The following KDM3A variants were observed in gnomAD, a reference collection of about 807,000 sequenced individuals.
KDM3A encodes the protein lysine demethylase 3A.
KDM3A carries 60 observed loss-of-function variants against 158.0 expected under a neutral mutation model. The observed-to-expected ratio is 0.38, with a 90% CI of 0.31 to 0.47. The LOEUF (loss-of-function observed/expected upper bound fraction) is 0.47, where lower values mean the gene tolerates loss of function less well. Ranked by LOEUF, KDM3A falls within the 20% of genes least tolerant of loss-of-function variation. The pLI is 0.99. For missense variants in KDM3A, 1,319 were observed against 1,574.3 expected (o/e 0.84, Z 2.74); for synonymous variants, 608 against 549.3 (o/e 1.11, Z -1.49).
rs749825983 is a variant in KDM3A at position 86,492,107 on chromosome 2, T to G, written c.3954T>G (p.Phe1318Leu). 1.2e-6 allele frequency: 2 copies of G among 1,612,456 alleles called. No individual in the cohort carries two copies. Among genetic ancestry groups the G allele is most frequent in the Non-Finnish European group, 1.7e-6 (2 of 1,178,630 alleles). ...VAMLKASESS[F>L]GKP ...TGCTGAAAGCCAGTGAATCCAGTTT[T>G]GGCAAACCTTAATCTCCCTGCACAT... Residue 1318 changes from phenylalanine to leucine, a missense_variant, in exon 26 of 26, where the codon TTT (phenylalanine) becomes TTG (leucine). Physicochemically the swap from Phe to Leu is conservative, Grantham distance 22. Transcript: ENST00000312912.
rs1674218334 is a variant in KDM3A at position 86,487,141 on chromosome 2, T to G, written c.3313+1282T>G. 3 of 152,212 alleles carry G rather than the reference T, an allele frequency of 2.0e-5. 1 individual carries two copies. In the South Asian group the frequency reaches 6.2e-4, roughly 32 times the overall value. The allele number at this position is 152,212 out of a possible 1,614,324, so 9.4% of individuals were successfully genotyped here. ...AATAAATTGTATAGTTTATCCATGC[T>G]TTATAGAAATCCTGAAGCTTTAAAG... On this transcript the variant is annotated intron_variant, in intron 21 of 25. Transcript: ENST00000312912.
At chr2:86,473,447 G>C (rs1573187609) in intron 11 of KDM3A, among the ~76,000 whole-genome samples, 1 of 152,274 alleles carries the variant, frequency 6.6e-6, no homozygotes, top group African/African-American at 2.4e-5. Context: ...TGCCTAGACA[G>C]AATACTGTAC....
rs1440381647 is a variant in KDM3A at position 86,466,699 on chromosome 2, C to T, written c.1335C>T (p.Ser445=). ...ELQKHLEHAP[S]PSDVSNAPEV... is the part of the protein sequence containing the mutation. ...AGAAGCACCTAGAACATGCACCTTC[C>T]CCATCGGATGTTTCAAATGCACCAG... Residue 445 remains serine, a synonymous_variant, in exon 10 of 26, where the codon TCC becomes TCT. Coordinates refer to ENST00000312912, the MANE Select transcript of KDM3A (RefSeq NM_018433.6). 4 of 1,613,774 alleles carry T rather than the reference C, an allele frequency of 2.5e-6. No individual in the cohort carries two copies. The Admixed American group carries it at 5.0e-5, about 20-fold the overall frequency.
chr2:86,471,327 ATG>A (rs936449788), intron 11 of KDM3A, among the ~76,000 whole-genome samples: 43 of 151,320 alleles, frequency 2.8e-4, no homozygotes, highest in Middle Eastern at 6.9e-3. Flanking sequence ...GTATATGTGT[ATG>A]TGTGTATATA....
chr2:86,489,230 G>T, intron 21 of KDM3A, 88 bp from the exon 22 acceptor site: 2 of 1,388,814 alleles, frequency 1.4e-6, no homozygotes, highest in Non-Finnish European at 2.0e-6. Context: ...GAGTCAATCA[G>T]GGACCTACCA....
At chr2:86,472,155 G>A (rs985316119) in intron 11 of KDM3A, among the ~76,000 whole-genome samples, 1 of 90,458 alleles carries the variant, frequency 1.1e-5, no homozygotes. Flanking sequence ...TTTGTAATAT[G>A]ATTAGAGCTT....
At chr2:86,483,884 G>A (rs755364836) in intron 18 of KDM3A, 103 bp from the exon 19 acceptor site, 193 of 945,888 alleles carry the variant, frequency 2.0e-4, no homozygotes, top group Non-Finnish European at 2.9e-4. Flanking sequence ...CGGAGCACCA[G>A]CTCCATGGAA....
intron 11 of KDM3A, among the ~76,000 whole-genome samples, chr2:86,473,928 G>A (rs1016260628): frequency 1.3e-5 from 2 of 152,170 alleles, no homozygotes; most frequent in Non-Finnish European, 2.9e-5. Context: ...AAGCTTGGAC[G>A]GTAACGTGCA....
At chr2:86,483,839 G>C in intron 18 of KDM3A, 148 bp from the exon 19 acceptor site, 3 of 622,246 alleles carry the variant, frequency 4.8e-6, no homozygotes, top group Admixed American at 6.3e-5. Context: ...GGAGCTCAGA[G>C]AACTAAGCCG....
chr2:86,489,789 A>G, intron 23 of KDM3A, 130 bp downstream of exon 23: 8 of 952,444 alleles, frequency 8.4e-6, no homozygotes, highest in Non-Finnish European at 1.2e-5. Context: ...TACCTGTCAG[A>G]TTGAATAGGC....
In KDM3A at chr2:86,473,768, T is replaced by C. The variant is rs191570013; in HGVS notation, c.1725-1008T>C. On this transcript the variant is annotated intron_variant, in intron 11 of 25. Transcript: ENST00000312912. Reference sequence around the variant, plus strand: ...TGTCTCAAAAAGAAAAAGAAAAATTTTGTGTTTCAAAAATTTAAAACTAAT... The same window carrying C: ...TGTCTCAAAAAGAAAAAGAAAAATTCTGTGTTTCAAAAATTTAAAACTAAT... Among the ~76,000 whole-genome samples, 16 of 152,210 alleles carry C rather than the reference T, an allele frequency of 1.1e-4. No individual in the cohort carries two copies. In the East Asian group the frequency reaches 2.7e-3, roughly 26 times the overall value.
At position 86,477,951 on chromosome 2, in the gene KDM3A, C is replaced by T. The variant is rs1438952647; in HGVS notation, c.2014C>T (p.Leu672=). The change falls in exon 13 of 26, where the codon CTG becomes TTG. Residue 672 remains leucine, a synonymous_variant. Coordinates refer to ENST00000312912, the MANE Select transcript of KDM3A (RefSeq NM_018433.6). ...CDVCDTTIFN[L]HWVCPRCGFG... ...TGTGTGCGACACCACCATCTTCAAC[C>T]TGCACTGGGTGTGTCCTCGGTGTGG... The T allele has an allele frequency of 6.2e-7, 1 of 1,614,122 alleles. No homozygotes were observed. The highest frequency in any genetic ancestry group is 8.5e-7 in the Non-Finnish European group (1 of 1,180,006).
At chr2:86,461,325 A>T (rs1672921750) in intron 8 of KDM3A, among the ~76,000 whole-genome samples, 1 of 152,008 alleles carries the variant, frequency 6.6e-6, no homozygotes, top group African/African-American at 2.4e-5. Context: ...CCTTCCAACA[A>T]GTATTTATTG....
rs1673174032 is a variant in KDM3A, at chr2:86,466,802, C to G, written c.1438C>G (p.Arg480Gly). The G allele has an allele frequency of 2.5e-6, 4 of 1,613,184 alleles. No individual in the cohort carries two copies. Among genetic ancestry groups the G allele is most frequent in the Non-Finnish European group, 2.5e-6 (3 of 1,179,456 alleles). The stretch of plus-strand genomic sequence containing the variant: ...GGTAGAACCTTCAGCTTTAGCTTGC[C>G]GATCACAGAATTTAAAGGAATCTTC... ...KKVEPSALAC[R>G]SQNLKESSVK... The change falls in exon 10 of 26, where the codon CGA becomes GGA. Residue 480 changes from arginine (R) to glycine (G), a missense_variant. Around this residue, in one of 4 missense-constraint regions of KDM3A, gnomAD observed 652 missense variants for 627.2 expected, o/e 1.04. Transcript: ENST00000312912.
upstream of KDM3A, among the ~76,000 whole-genome samples, chr2:86,440,120 G>GT (rs976802423): frequency 1.4e-4 from 22 of 152,174 alleles, no homozygotes; most frequent in Admixed American, 4.6e-4. Flanking sequence ...AGCTGGATAG[G>GT]TTTTTTCTTC....
intron 10 of KDM3A, 90 bp downstream of exon 10, chr2:86,466,973 ATGACTT>A (rs1673183859): frequency 9.1e-7 from 1 of 1,103,140 alleles, no homozygotes; most frequent in African/African-American, 1.6e-5. Flanking sequence ...CTATGTGAAA[ATGACTT>A]TGTAGAAATA....
Position 86,492,282 on chromosome 2 carries a change from A to C in KDM3A, c.*163A>C, listed in dbSNP as rs545102357. The C allele has an allele frequency of 1.7e-6, 1 of 588,898 alleles. No individual in the cohort carries two copies. The highest frequency in any genetic ancestry group is 2.1e-5 in the South Asian group (1 of 46,540). 36.5% of individuals were successfully genotyped at this position (588,898 alleles called of 1,614,324 possible). A position where few individuals can be genotyped will look rare whatever the true frequency, so the allele number is the denominator to read the frequency against. On this transcript the variant is annotated 3_prime_UTR_variant, in exon 26 of 26. Coordinates refer to ENST00000312912, the MANE Select transcript of KDM3A (RefSeq NM_018433.6). ...ATATTTCTAGTGTTTACAGACAGTA[A>C]ATGTGTATATGTAGTAACTATTTAC...
rs1455462153 is a variant in KDM3A, at chr2:86,451,179, T to A, written c.419T>A (p.Val140Glu). 1 of 1,610,584 alleles carries A rather than the reference T, an allele frequency of 6.2e-7. No homozygotes were observed. Residue 140 changes from valine to glutamate, a missense_variant, in exon 4 of 26, where the codon GTA becomes GAA. Transcript: ENST00000312912. ...SVRFLGDQQR[V>E]FLSKDLLKPI... ...CGCTTTCTGGGAGATCAACAAAGAG[T>A]ATTTCTTTCTAAAGACCTTTTGAAG... is the stretch of plus-strand genomic sequence containing the variant.
At chr2:86,481,068 C>G (rs895832739) in intron 16 of KDM3A, among the ~76,000 whole-genome samples, 3 of 152,130 alleles carry the variant, frequency 2.0e-5, no homozygotes, top group African/African-American at 7.2e-5. Flanking sequence ...AAGATACAGT[C>G]TGACATTCAA....
Sources: allele counts gnomAD v4.1 joint callset (sites outside exome capture counted in the v4.1 genomes callset), GRCh38; gene constraint gnomAD v4.1.1; regional missense constraint gnomAD v4.1.1; transcripts MANE v1.5; gene names NCBI Gene and HGNC (gene_info 2026-07-23, HGNC 2026-07-21).